The following ARHGEF10L variants were observed in gnomAD, a reference collection of about 807,000 sequenced individuals.
ARHGEF10L encodes Rho guanine nucleotide exchange factor 10 like.
In ARHGEF10L, 69 loss-of-function variants were observed where a neutral mutation model predicts 141.2. The ratio of observed to expected loss-of-function variants is 0.49; its 90% CI spans 0.40 to 0.60. ARHGEF10L has a LOEUF of 0.60. ARHGEF10L is among the 20% of genes least tolerant of loss of function. The pLI, the probability that ARHGEF10L is intolerant of heterozygous loss-of-function variation, is 0.00. For missense variants in ARHGEF10L, 1,482 were observed against 1,734.3 expected, an observed-to-expected ratio of 0.85 and a Z score of 2.58; for synonymous variants, 711 against 718.5, an observed-to-expected ratio of 0.99 and a Z score of 0.17.
rs117494169 is a variant in ARHGEF10L, at chr1:17,695,727, G to A, written c.3307+447G>A. 7.6e-4 allele frequency among the ~76,000 whole-genome samples: 115 copies of A among 152,312 alleles called. 1 individual carries two copies. The East Asian group carries it at 0.021, about 27-fold the overall frequency. ...GCTCTGATCTGCACTACTGGGCCCA[G>A]GACAACAAGGGCAGGATCAGAGAAG... is the stretch of plus-strand genomic sequence containing the variant. On this transcript the variant is annotated intron_variant, in intron 28 of 28. Transcript: ENST00000361221.
intron 4 of ARHGEF10L, among the ~76,000 whole-genome samples, chr1:17,598,376 A>G (rs1172507875): frequency 1.3e-5 from 2 of 152,202 alleles, no homozygotes; most frequent in Admixed American, 1.3e-4. Context: ...TTCAGGGATT[A>G]GAGGCGTGAG....
In ARHGEF10L at chr1:17,602,120, C is replaced by T. The variant is rs565411702; in HGVS notation, c.258-7C>T. On this transcript the variant is annotated splice_region_variant and splice_polypyrimidine_tract_variant and intron_variant, in intron 4 of 28. Transcript: ENST00000361221. ...GACACCTCTGCAGTGCCATCTCTTG[C>T]CCGCAGGGTGCCAGCCTGGGTGAGC... is the stretch of plus-strand genomic sequence containing the variant. 2 of 1,556,822 alleles carry T rather than the reference C, an allele frequency of 1.3e-6. No individual in the cohort carries two copies. The highest frequency in any genetic ancestry group is 1.2e-5 in the South Asian group (1 of 83,716).
At chr1:17,523,525 A>C in the ARHGEF10L span, among the ~76,000 whole-genome samples, 1 of 152,210 alleles carries the variant, frequency 6.6e-6, no homozygotes, top group East Asian at 1.9e-4. Flanking sequence ...CAGAAAGATG[A>C]AGTCACTTGC....
At chr1:17,601,049 C>CAAAAA (rs55806926) in intron 4 of ARHGEF10L, among the ~76,000 whole-genome samples, 3 of 51,164 alleles carry the variant, frequency 5.9e-5, no homozygotes, top group African/African-American at 1.3e-4. Context: ...GGCTCTGTCT[C>CAAAAA]AAAAAAAAAA....
intron 1 of ARHGEF10L, among the ~76,000 whole-genome samples, chr1:17,556,674 G>C (rs972207174): frequency 1.3e-5 from 2 of 152,118 alleles, no homozygotes; most frequent in Non-Finnish European, 2.9e-5. Context: ...ATGTTAATGT[G>C]AGCCAGGGTC....
chr1:17,638,713 G>T (rs760887752), intron 20 of ARHGEF10L, 24 bp downstream of exon 20: 1 of 1,612,730 alleles, frequency 6.2e-7, no homozygotes, highest in Non-Finnish European at 8.5e-7. Flanking sequence ...GTCTTGGAGG[G>T]AGGGCTGCTG....
At chr1:17,675,295 A>G (rs2063577646) in intron 26 of ARHGEF10L, among the ~76,000 whole-genome samples, 1 of 152,232 alleles carries the variant, frequency 6.6e-6, no homozygotes, top group South Asian at 2.1e-4. Context: ...TGGCTGAGCC[A>G]TCCCACCCTG....
chr1:17,612,502 T>G (rs758414170), intron 7 of ARHGEF10L, among the ~76,000 whole-genome samples: 5 of 152,188 alleles, frequency 3.3e-5, no homozygotes, highest in African/African-American at 4.8e-5. Context: ...ATGAGCCTGT[T>G]CGTCTACCCA....
intron 6 of ARHGEF10L, chr1:17,604,932 G>A (rs1169753946): frequency 1.3e-5 from 2 of 152,280 alleles, no homozygotes. Context: ...GATGTGGCAT[G>A]TTCATGGCCT....
intron 4 of ARHGEF10L, among the ~76,000 whole-genome samples, chr1:17,597,617 G>A (rs916504891): frequency 6.6e-6 from 1 of 152,196 alleles, no homozygotes; most frequent in African/African-American, 2.4e-5. Context: ...GGGAGGCAGC[G>A]GAGGTGGTCC....
At position 17,638,704 on chromosome 1, in the gene ARHGEF10L, T is replaced by G. The variant is rs2101803896; in HGVS notation, c.2171+15T>G. On this transcript the variant is annotated intron_variant, in intron 20 of 28. Coordinates refer to ENST00000361221, the MANE Select transcript of ARHGEF10L (RefSeq NM_018125.4). ...AAACCCGACAAGTGAGAGGAGGGGG[T>G]CTTGGAGGGAGGGCTGCTGCCTCTG... 1 of 1,612,944 alleles carries G rather than the reference T, an allele frequency of 6.2e-7. No individual in the cohort carries two copies. The highest frequency in any genetic ancestry group is 1.1e-5 in the South Asian group (1 of 91,042).
upstream of ARHGEF10L, among the ~76,000 whole-genome samples, chr1:17,535,484 G>A (rs913283661): frequency 3.9e-5 from 6 of 152,198 alleles, no homozygotes; most frequent in African/African-American, 1.4e-4. Context: ...GGGAGGCAGC[G>A]GCGGGGGCCC....
rs776139457 is a variant in ARHGEF10L at position 17,587,576 on chromosome 1, G to C, written c.154G>C (p.Val52Leu). 6.2e-7 allele frequency: 1 copy of C among 1,614,154 alleles called. No homozygotes were observed. Among genetic ancestry groups the C allele is most frequent in the Non-Finnish European group, 8.5e-7 (1 of 1,180,026 alleles). ...AGAGGACACCAGCGCAGCCCTGGGCGTCCCCAGCCTTGCTCCTGAGAGGGA... is the reference window on the plus strand; with the variant it reads ...AGAGGACACCAGCGCAGCCCTGGGCCTCCCCAGCCTTGCTCCTGAGAGGGA... ...DEEDTSAALG[V>L]PSLAPERDTD... The change falls in exon 3 of 29, where the codon GTC (valine) becomes CTC (leucine). Residue 52 changes from valine (V) to leucine (L), a missense_variant. Coordinates refer to ENST00000361221, the MANE Select transcript of ARHGEF10L (RefSeq NM_018125.4).
Position 17,619,223 on chromosome 1 carries a change from C to T in ARHGEF10L, c.836-116C>T. The T allele has an allele frequency of 2.0e-6, 2 of 1,003,008 alleles. No homozygotes were observed. The highest frequency in any genetic ancestry group is 3.0e-6 in the Non-Finnish European group (2 of 670,340). 62.1% of individuals were successfully genotyped at this position (1,003,008 alleles called of 1,614,324 possible). The stretch of plus-strand genomic sequence containing the variant: ...TAACCCCACGGGGCCCCAGGAGCTG[C>T]TTGCACCCTAGGACCTGGGTCCAAG... On this transcript the variant is annotated intron_variant, in intron 9 of 28. Transcript: ENST00000361221. This position sits in a 1 kb window ranked among gnomAD's most constrained non-coding sequence, Gnocchi z 5.0.
chr1:17,582,958 G>A (rs2078705849), intron 2 of ARHGEF10L, among the ~76,000 whole-genome samples: 1 of 151,936 alleles, frequency 6.6e-6, no homozygotes. Context: ...CAGGCACAGT[G>A]GCTCATGCCT....
chr1:17,533,965 C>CTT, the ARHGEF10L span, among the ~76,000 whole-genome samples: 3 of 146,602 alleles, frequency 2.0e-5, no homozygotes, highest in African/African-American at 7.4e-5. Context: ...TCTTCTTCTT[C>CTT]TTTTTTTTTT....
rs201041300 is a variant in ARHGEF10L at position 17,695,263 on chromosome 1, G to T, written c.3290G>T (p.Gly1097Val). Residue 1097 changes from glycine (G) to valine (V), a missense_variant, in exon 28 of 29, where the codon GGC (glycine) becomes GTC (valine). Gly to Val is a moderately radical substitution (Grantham distance 109, BLOSUM62 -3). Coordinates refer to ENST00000361221, the MANE Select transcript of ARHGEF10L (RefSeq NM_018125.4). ...IVLLPVPRLE[G>V]IPKITGKGMV... Reference sequence around the variant, plus strand: ...CTGCTGCCCGTGCCTCGGCTGGAAGGCATCCCCAAGATCACAGGTGAGGCT... The same window carrying T: ...CTGCTGCCCGTGCCTCGGCTGGAAGTCATCCCCAAGATCACAGGTGAGGCT... 2.5e-4 allele frequency: 391 copies of T among 1,589,598 alleles called. No individual in the cohort carries two copies. Among genetic ancestry groups the T allele is most frequent in the Non-Finnish European group, 3.2e-4 (374 of 1,168,532 alleles).
At chr1:17,659,939 C>G (rs1015856256) in intron 25 of ARHGEF10L, among the ~76,000 whole-genome samples, 1 of 152,334 alleles carries the variant, frequency 6.6e-6, no homozygotes, top group Admixed American at 6.5e-5. Context: ...GGAGTGGCCT[C>G]AGAGTCCCAC....
chr1:17,696,756 C>T, intron 28 of ARHGEF10L, 92 bp from the exon 29 acceptor site: 1 of 1,350,376 alleles, frequency 7.4e-7, no homozygotes, highest in Middle Eastern at 2.1e-4. Context: ...CCCAAATACC[C>T]ACCCAGAATG....
Sources: allele counts gnomAD v4.1 joint callset (sites outside exome capture counted in the v4.1 genomes callset), GRCh38; gene constraint gnomAD v4.1.1; non-coding constraint Gnocchi (gnomAD v3.1); transcripts MANE v1.5; gene names NCBI Gene and HGNC (gene_info 2026-07-23, HGNC 2026-07-21).